The following LRCH2 variants were observed in gnomAD, a reference collection of about 807,000 sequenced individuals.
LRCH2 encodes the protein leucine rich repeats and calponin homology domain containing 2, also known as leucine-rich repeat and calponin homology domain-containing protein 2.
A neutral mutation model predicts 68.9 loss-of-function variants in LRCH2; 38 were observed. The ratio of observed to expected loss-of-function variants is 0.55; its 90% CI spans 0.43 to 0.72. The LOEUF (loss-of-function observed/expected upper bound fraction) is 0.72, where lower values mean the gene tolerates loss of function less well. Ranked by LOEUF, LRCH2 falls within the 30% of genes least tolerant of loss-of-function variation. The pLI is 0.00. For missense variants in LRCH2, 528 were observed against 572.9 expected, an observed-to-expected ratio of 0.92 and a Z score of 0.80; for synonymous variants, 191 against 208.1, an observed-to-expected ratio of 0.92 and a Z score of 0.71.
At chrX:115,158,265 C>A (rs1266747998) in intron 11 of LRCH2, among the ~76,000 whole-genome samples, 1 of 111,623 alleles carries the variant, frequency 9.0e-6, no homozygotes, top group Non-Finnish European at 1.9e-5. Flanking sequence ...AACTTAAAGG[C>A]CTCTGTCTGT....
rs183192122 is a variant in LRCH2, at chrX:115,131,021, C to T, written c.1696-822G>A. 1.5e-3 allele frequency among the ~76,000 whole-genome samples: 169 copies of T among 111,225 alleles called. 1 individual carries two copies. Among genetic ancestry groups the T allele is most frequent in the Admixed American group, 6.7e-3 (70 of 10,416 alleles). On this transcript the variant is annotated intron_variant, in intron 14 of 20. Coordinates refer to ENST00000317135, the MANE Select transcript of LRCH2 (RefSeq NM_020871.4). ...ACACCTACTAACTTTCAGATTATGT[C>T]CAAATTTCTATGCCTGGCATTCAAG...
intron 1 of LRCH2, among the ~76,000 whole-genome samples, chrX:115,194,814 T>C (rs2072875389): frequency 9.0e-6 from 1 of 111,723 alleles, no homozygotes; most frequent in South Asian, 3.8e-4. Context: ...ACAGGATTTT[T>C]GTAGCTTCTT....
At chrX:115,117,485 T>C (rs1249172631) in intron 20 of LRCH2, among the ~76,000 whole-genome samples, 3 of 111,855 alleles carry the variant, frequency 2.7e-5, no homozygotes, top group African/African-American at 9.7e-5. Context: ...CAAAGACTTG[T>C]ATACAAATGT....
chrX:115,117,771 T>C (rs1298379463), intron 20 of LRCH2, among the ~76,000 whole-genome samples: 3 of 111,308 alleles, frequency 2.7e-5, no homozygotes, highest in African/African-American at 9.8e-5. Flanking sequence ...GAAAGCAGAT[T>C]AGTGGTTGCT....
chrX:115,230,198 G>A (rs1223240654), intron 1 of LRCH2, among the ~76,000 whole-genome samples: 2 of 111,324 alleles, frequency 1.8e-5, no homozygotes, highest in African/African-American at 6.5e-5. Context: ...AGACCATCTC[G>A]GAGAAGACAT....
intron 1 of LRCH2, among the ~76,000 whole-genome samples, chrX:115,225,255 T>C (rs1277577963): frequency 9.0e-6 from 1 of 111,703 alleles, no homozygotes; most frequent in Non-Finnish European, 1.9e-5. Flanking sequence ...TTCTAGTTTC[T>C]ACGGCTAGCC....
intron 1 of LRCH2, among the ~76,000 whole-genome samples, chrX:115,204,919 T>C (rs2072955088): frequency 8.9e-6 from 1 of 112,151 alleles, no homozygotes; most frequent in Non-Finnish European, 1.9e-5. Flanking sequence ...AGTTTCCTTA[T>C]AGCAATGCCC....
At chrX:115,174,725 T>C (rs1241796045) in intron 5 of LRCH2, among the ~76,000 whole-genome samples, 2 of 111,093 alleles carry the variant, frequency 1.8e-5, no homozygotes, top group Non-Finnish European at 3.8e-5. Flanking sequence ...ATTATTTCTT[T>C]AAGATGGTGA....
At chrX:115,168,365 G>A (rs906194210) in intron 6 of LRCH2, among the ~76,000 whole-genome samples, 2 of 111,115 alleles carry the variant, frequency 1.8e-5, no homozygotes, top group Non-Finnish European at 3.8e-5. Flanking sequence ...TGTCCAATAC[G>A]GTAAGCAGCC....
chrX:115,143,931 T>A lies in LRCH2; in HGVS notation c.1695+5896A>T, dbSNP rs5987857. Among the ~76,000 whole-genome samples the A allele has an allele frequency of 1.2e-4, 13 of 111,064 alleles. 1 individual carries two copies. The highest frequency in any genetic ancestry group is 3.9e-4 in the African/African-American group (12 of 30,504). The stretch of plus-strand genomic sequence containing the variant: ...ACAAGCATTTGCTAAAATCCAACAT[T>A]CCTTCATGATAAAAACCCTCTGATA... On this transcript the variant is annotated intron_variant, in intron 14 of 20. Coordinates refer to ENST00000317135, the MANE Select transcript of LRCH2 (RefSeq NM_020871.4).
intron 20 of LRCH2, among the ~76,000 whole-genome samples, chrX:115,114,888 A>T (rs1556523635): frequency 9.0e-6 from 1 of 110,639 alleles, no homozygotes. Context: ...AATAAAAGAA[A>T]ATCACTTCTA....
rs371380919 is a variant in LRCH2 at position 115,119,356 on chromosome X, G to A, written c.2178+3171C>T. On this transcript the variant is annotated intron_variant, in intron 20 of 20. Coordinates refer to ENST00000317135, the MANE Select transcript of LRCH2 (RefSeq NM_020871.4). ...CAAAATCAATGTACAAAAATCACAA[G>A]CATTCTTATACACCAACAACAGACA... Among the ~76,000 whole-genome samples the A allele has an allele frequency of 1.8e-4, 18 of 98,173 alleles. No individual in the cohort carries two copies. The East Asian group carries it at 5.8e-3, about 32-fold the overall frequency. The allele number at this position is 98,173 out of a possible 115,157, so 85.3% of individuals were successfully genotyped here. A position where few individuals can be genotyped will look rare whatever the true frequency, so the allele number is the denominator to read the frequency against.
chrX:115,170,313 C>A lies in LRCH2; in HGVS notation c.984G>T (p.Gln328His). Residue 328 changes from glutamine to histidine, a missense_variant, in exon 6 of 21, where the codon CAG (glutamine) becomes CAT (histidine). Gln to His is a conservative substitution (Grantham distance 24). Transcript: ENST00000317135. Reference sequence around the variant, plus strand: ...TGTTACATTACCTGTCTGTGAGAGGCTGTGAGGGCATTCGTTTACTCAATG... The same window carrying A: ...TGTTACATTACCTGTCTGTGAGAGGATGTGAGGGCATTCGTTTACTCAATG... ...LPSLSKRMPS[Q>H]PLTDSMEDFY... 8.5e-7 allele frequency: 1 copy of A among 1,177,944 alleles called. No homozygotes were observed. Among genetic ancestry groups the A allele is most frequent in the Non-Finnish European group, 1.1e-6 (1 of 879,317 alleles).
chrX:115,122,700 G>A, intron 19 of LRCH2, 60 bp downstream of exon 19: 1 of 1,179,471 alleles, frequency 8.5e-7, no homozygotes, highest in Non-Finnish European at 1.1e-6. Context: ...ATTATTTAAA[G>A]ACAATTTTAA....
intron 1 of LRCH2, among the ~76,000 whole-genome samples, chrX:115,221,192 AAAAAAAAAAAAAAAAAAAATAT>A (rs1317371947): frequency 2.6e-4 from 17 of 66,279 alleles, no homozygotes; most frequent in East Asian, 1.3e-3. Flanking sequence ...AAAAAAAAAA[AAAAAAAAAAAAAAAAAAAATAT>A]ATATATATAT....
At chrX:115,217,571 T>C (rs782221094) in intron 1 of LRCH2, among the ~76,000 whole-genome samples, 2 of 112,196 alleles carry the variant, frequency 1.8e-5, no homozygotes, top group Non-Finnish European at 3.8e-5. Flanking sequence ...TCCTTTTTTA[T>C]GGCTATATAG....
At chrX:115,229,354 C>A (rs1451518927) in intron 1 of LRCH2, among the ~76,000 whole-genome samples, 2 of 111,172 alleles carry the variant, frequency 1.8e-5, no homozygotes, top group African/African-American at 6.5e-5. Flanking sequence ...ATCACTTAAC[C>A]TGTCTCTCAA....
intron 1 of LRCH2, chrX:115,189,336 C>T: frequency 1.2e-6 from 1 of 864,693 alleles, no homozygotes. Context: ...GACATCCACC[C>T]CCCCAACCGG....
intron 20 of LRCH2, among the ~76,000 whole-genome samples, chrX:115,119,323 T>C: frequency 9.5e-6 from 1 of 105,784 alleles, no homozygotes; most frequent in Non-Finnish European, 1.9e-5. Flanking sequence ...CAGCAAAGTC[T>C]CAGGATACAA....
Sources: allele counts gnomAD v4.1 joint callset (sites outside exome capture counted in the v4.1 genomes callset), GRCh38; gene constraint gnomAD v4.1.1; transcripts MANE v1.5; gene names NCBI Gene and HGNC (gene_info 2026-07-23, HGNC 2026-07-21).